The following TET1 variants were observed in gnomAD, a reference collection of about 807,000 sequenced individuals.
TET1 encodes tet methylcytosine dioxygenase 1.
A neutral mutation model predicts 148.7 loss-of-function variants in TET1; 13 were observed. That is an observed-to-expected ratio of 0.09 (90% CI 0.06 to 0.14). The LOEUF (loss-of-function observed/expected upper bound fraction) is 0.14, where lower values mean the gene tolerates loss of function less well. Among genes scored for constraint, TET1 ranks in the 10% least tolerant of loss-of-function variants. TET1 has a pLI of 1.00. For missense variants in TET1, 2,182 were observed against 2,553.8 expected, an observed-to-expected ratio of 0.85 and a Z score of 3.14; for synonymous variants, 907 against 937.2, an observed-to-expected ratio of 0.97 and a Z score of 0.59.
rs955233264 is a variant in TET1 at position 68,694,308 on chromosome 10, G to T, written c.*2494G>T. 2.6e-5 allele frequency: 6 copies of T among 232,440 alleles called. No individual in the cohort carries two copies. Among genetic ancestry groups the T allele is most frequent in the Non-Finnish European group, 4.2e-5 (5 of 117,738 alleles). The allele number at this position is 232,440 out of a possible 1,614,324, so 14.4% of individuals were successfully genotyped here. A position where few individuals can be genotyped will look rare whatever the true frequency, so the allele number is the denominator to read the frequency against. On this transcript the variant is annotated 3_prime_UTR_variant, in exon 12 of 12. Coordinates refer to ENST00000373644, the MANE Select transcript of TET1 (RefSeq NM_030625.3). ...AACCAAATTGGATTCCTACTTTGTTGGACTCTCTTTCCTGATTTTAACAAT... is the reference window on the plus strand; with the variant it reads ...AACCAAATTGGATTCCTACTTTGTTTGACTCTCTTTCCTGATTTTAACAAT...
chr10:68,610,291 A>G (rs905478238), intron 3 of TET1, among the ~76,000 whole-genome samples: 4 of 151,768 alleles, frequency 2.6e-5, no homozygotes, highest in Non-Finnish European at 5.9e-5. Flanking sequence ...TCAAAAAACA[A>G]ACAAACAAAA....
intron 2 of TET1, among the ~76,000 whole-genome samples, chr10:68,580,799 A>AT (rs1393383162): frequency 8.1e-4 from 102 of 126,324 alleles, no homozygotes; most frequent in Non-Finnish European, 9.8e-4. Flanking sequence ...AAAAAAAAAA[A>AT]AAAAAAATAT....
intron 2 of TET1, among the ~76,000 whole-genome samples, chr10:68,599,692 G>A (rs1373342970): frequency 6.6e-6 from 1 of 152,230 alleles, no homozygotes; most frequent in Non-Finnish European, 1.5e-5. Context: ...GGCCCCACGT[G>A]GGGACTTGCT....
At chr10:68,648,380 T>TA (rs1047630363) in intron 4 of TET1, among the ~76,000 whole-genome samples, 1 of 152,156 alleles carries the variant, frequency 6.6e-6, no homozygotes, top group Non-Finnish European at 1.5e-5. Context: ...AATATAGCTG[T>TA]AAAAAAATAG....
At chr10:68,654,487 CGA>C (rs2054992197) in intron 6 of TET1, among the ~76,000 whole-genome samples, 4 of 151,280 alleles carry the variant, frequency 2.6e-5, no homozygotes, top group Non-Finnish European at 5.9e-5. Flanking sequence ...CGTGGTGGCG[CGA>C]GCCTATAGTC....
rs142099963 is a variant in TET1, at chr10:68,644,922, A to G, written c.2193A>G (p.Pro731=). ...AAGGAGATTTTAGTGCTAATGTCCC[A>G]GAAGCTGAAAAATCGAAAAACTCTG... ...HVKGDFSANV[P]EAEKSKNSEV... The change falls in exon 4 of 12, where the codon CCA becomes CCG. Residue 731 remains proline, a synonymous_variant. Coordinates refer to ENST00000373644, the MANE Select transcript of TET1 (RefSeq NM_030625.3). 5 of 1,611,842 alleles carry G rather than the reference A, an allele frequency of 3.1e-6. No individual in the cohort carries two copies. The African/African-American group carries it at 5.4e-5, about 17-fold the overall frequency.
chr10:68,632,367 C>T, intron 3 of TET1: 1 of 1,596,194 alleles, frequency 6.3e-7, no homozygotes, highest in Non-Finnish European at 8.6e-7. Flanking sequence ...GCGGAGTAGT[C>T]CTCATGGCCT....
At chr10:68,639,982 G>A (rs188043356) in intron 3 of TET1, among the ~76,000 whole-genome samples, 1 of 149,738 alleles carries the variant, frequency 6.7e-6, no homozygotes, top group East Asian at 2.0e-4. Context: ...GGCTGGAGTG[G>A]AGTGGTGCTA....
chr10:68,634,662 G>A (rs898042188), intron 3 of TET1, among the ~76,000 whole-genome samples: 2 of 152,196 alleles, frequency 1.3e-5, no homozygotes, highest in Non-Finnish European at 2.9e-5. Context: ...TACTTAGTGG[G>A]AGATGCAAAT....
At chr10:68,593,836 A>G (rs2053947159) in intron 2 of TET1, among the ~76,000 whole-genome samples, 1 of 148,234 alleles carries the variant, frequency 6.7e-6, no homozygotes, top group Admixed American at 6.8e-5. Flanking sequence ...CTGGTCTCCA[A>G]CTCCTGACCT....
At chr10:68,627,416 A>AT (rs143494473) in intron 3 of TET1, among the ~76,000 whole-genome samples, 49,257 of 151,180 alleles carry the variant, frequency 0.33, 8,855 homozygotes, top group Non-Finnish European at 0.41. Flanking sequence ...TCCGAAAAAA[A>AT]AAATAAATAA....
At chr10:68,640,020 C>G (rs925880830) in intron 3 of TET1, among the ~76,000 whole-genome samples, 1 of 151,504 alleles carries the variant, frequency 6.6e-6, no homozygotes, top group Non-Finnish European at 1.5e-5. Context: ...CTCCTCCTCC[C>G]GAGTTCAAGC....
intron 3 of TET1, among the ~76,000 whole-genome samples, chr10:68,622,907 T>G (rs2054397946): frequency 6.6e-6 from 1 of 152,106 alleles, no homozygotes; most frequent in African/African-American, 2.4e-5. Context: ...TGGTACTTCC[T>G]CATAATTAAA....
At chr10:68,690,059 A>G (rs1287399384) in intron 11 of TET1, among the ~76,000 whole-genome samples, 2 of 152,176 alleles carry the variant, frequency 1.3e-5, no homozygotes, top group Non-Finnish European at 2.9e-5. Flanking sequence ...TTTATAAACT[A>G]TTACTTGTTT....
chr10:68,590,147 C>CTGT (rs1355191758), intron 2 of TET1, among the ~76,000 whole-genome samples: 1 of 152,052 alleles, frequency 6.6e-6, no homozygotes, highest in African/African-American at 2.4e-5. Context: ...GGGTCCTGCT[C>CTGT]TGTTGCCCAG....
Position 68,573,336 on chromosome 10 carries a change from G to A in TET1, c.998G>A (p.Gly333Asp). 1 of 1,613,992 alleles carries A rather than the reference G, an allele frequency of 6.2e-7. No individual in the cohort carries two copies. Among genetic ancestry groups the A allele is most frequent in the Non-Finnish European group, 8.5e-7 (1 of 1,180,000 alleles). Residue 333 changes from glycine to aspartate, a missense_variant, in exon 2 of 12, where the codon GGC becomes GAC. By Grantham distance (94) the Gly-to-Asp change is moderately conservative. Around this residue, in one of 11 missense-constraint regions of TET1, gnomAD observed 665 missense variants for 672.4 expected, o/e 0.99. Transcript: ENST00000373644. ...TCTGTAATAAAATTCCTCTTGGCAGGCTCAAAACAAGCGACCCTTGGTGCT... is the reference window on the plus strand; with the variant it reads ...TCTGTAATAAAATTCCTCTTGGCAGACTCAAAACAAGCGACCCTTGGTGCT... ...PTSVIKFLLA[G>D]SKQATLGAKP...
In TET1 at chr10:68,676,256, ATATATATATATATTTT is replaced by A. The variant is rs1477869215; in HGVS notation, c.4824+3213_4824+3228del. 3.0e-4 allele frequency among the ~76,000 whole-genome samples: 12 copies of A among 40,366 alleles called. No individual in the cohort carries two copies. The South Asian group carries it at 3.1e-3, about 11-fold the overall frequency. The allele number at this position is 40,366 out of a possible 152,430, so 26.5% of individuals were successfully genotyped here. A position where few individuals can be genotyped will look rare whatever the true frequency, so the allele number is the denominator to read the frequency against. ...TATGTGTATATATATATATATATAT[ATATATATATATATTTT>A]TTTTTTTTTTTTTTTTTTTTTTTTC... is the stretch of plus-strand genomic sequence containing the variant. On this transcript the variant is annotated intron_variant, in intron 8 of 11. Coordinates refer to ENST00000373644, the MANE Select transcript of TET1 (RefSeq NM_030625.3).
intron 2 of TET1, among the ~76,000 whole-genome samples, chr10:68,593,382 T>G (rs537616997): frequency 1.1e-3 from 169 of 152,192 alleles, no homozygotes; most frequent in Non-Finnish European, 2.0e-3. Flanking sequence ...TTAAGGTTCT[T>G]CAATAATTTT....
Position 68,572,206 on chromosome 10 carries a change from T to C in TET1, c.-122-11T>C. 1.4e-6 allele frequency: 1 copy of C among 693,200 alleles called. No homozygotes were observed. Among genetic ancestry groups the C allele is most frequent in the African/African-American group, 1.8e-5 (1 of 55,390 alleles). 42.9% of individuals were successfully genotyped at this position (693,200 alleles called of 1,614,324 possible). A position where few individuals can be genotyped will look rare whatever the true frequency, so the allele number is the denominator to read the frequency against. The stretch of plus-strand genomic sequence containing the variant: ...AAAGACTCACTTCAGTGTATTCTGT[T>C]GTTATTTCAGACCAAAACCTTGTGT... On this transcript the variant is annotated splice_polypyrimidine_tract_variant and intron_variant, in intron 1 of 11. Transcript: ENST00000373644.
Sources: allele counts gnomAD v4.1 joint callset (sites outside exome capture counted in the v4.1 genomes callset), GRCh38; gene constraint gnomAD v4.1.1; regional missense constraint gnomAD v4.1.1; transcripts MANE v1.5; gene names NCBI Gene and HGNC (gene_info 2026-07-23, HGNC 2026-07-21).